BRCA2: variants seen among roughly 807,000 people sequenced by gnomAD.
BRCA2 encodes BRCA2 DNA repair associated.
In BRCA2, 203 loss-of-function variants were observed where a neutral mutation model predicts 276.7. That is an observed-to-expected ratio of 0.73 (90% CI 0.65 to 0.82). The LOEUF (loss-of-function observed/expected upper bound fraction) is 0.82. BRCA2 is among the 40% of genes least tolerant of loss of function. The probability of loss-of-function intolerance (pLI) is 0.00; values close to 1 mark genes in which losing one functional copy is unlikely to be tolerated. For missense variants in BRCA2, 3,920 were observed against 3,915.0 expected, an observed-to-expected ratio of 1.00 and a Z score of -0.03; for synonymous variants, 1,289 against 1,338.4, an observed-to-expected ratio of 0.96 and a Z score of 0.81.
chr13:32,329,392 T>G (rs2072372209), intron 7 of BRCA2, 51 bp from the exon 8 acceptor site: 1 of 1,367,422 alleles, frequency 7.3e-7, no homozygotes, highest in Middle Eastern at 1.9e-4. Flanking sequence ...AAAAAATAAG[T>G]TTTTGCATTC....
chr13:32,326,445 T>C, intron 6 of BRCA2, 54 bp from the exon 7 acceptor site: 1 of 1,479,626 alleles, frequency 6.8e-7, no homozygotes, highest in East Asian at 2.3e-5. Context: ...AAAAATAATA[T>C]CCTTAATGAT....
intron 9 of BRCA2, among the ~76,000 whole-genome samples, chr13:32,331,487 C>T (rs1176689607): frequency 6.6e-6 from 1 of 152,106 alleles, no homozygotes; most frequent in Non-Finnish European, 1.5e-5. Flanking sequence ...CGCTTAAGCC[C>T]AGGCGGTCAA....
At chr13:32,334,405 G>C (rs1440748760) in intron 10 of BRCA2, among the ~76,000 whole-genome samples, 2 of 152,134 alleles carry the variant, frequency 1.3e-5, no homozygotes. Flanking sequence ...GCTAGATATA[G>C]TGGCTCATGC....
At position 32,340,191 on chromosome 13, in the gene BRCA2, T is replaced by C. The variant is rs80358811; in HGVS notation, c.5836T>C (p.Ser1946Pro). The change falls in exon 11 of 27, where the codon TCA becomes CCA. Residue 1946 changes from serine to proline, a missense_variant. Transcript: ENST00000380152. ...MSGLEKVSKI[S>P]PCDVSLETSD... ...TGGATTGGAGAAAGTTTCTAAAATA[T>C]CACCTTGTGATGTTAGTTTGGAAAC... is the stretch of plus-strand genomic sequence containing the variant. The C allele has an allele frequency of 7.4e-6, 12 of 1,613,520 alleles. No individual in the cohort carries two copies. Among genetic ancestry groups the C allele is most frequent in the East Asian group, 6.7e-5 (3 of 44,854 alleles).
chr13:32,354,726 G>A (rs568955044), intron 13 of BRCA2, 135 bp from the exon 14 acceptor site: 16 of 696,104 alleles, frequency 2.3e-5, no homozygotes, highest in African/African-American at 1.8e-4. Context: ...TTTTGGAATG[G>A]CAACCATGGT....
chr13:32,375,281 A>T, intron 20 of BRCA2: 1 of 369,966 alleles, frequency 2.7e-6, no homozygotes, highest in South Asian at 2.2e-5. Context: ...GCAGTAATTC[A>T]GTCACATCTT....
At chr13:32,325,344 G>T (rs1288237623) in intron 4 of BRCA2, among the ~76,000 whole-genome samples, 160 bp downstream of exon 4, 2 of 152,098 alleles carry the variant, frequency 1.3e-5, no homozygotes, top group African/African-American at 4.8e-5. Flanking sequence ...TCCTTTAATA[G>T]AATAGTTTTT....
At chr13:32,354,839 A>G (rs2072675671) in intron 13 of BRCA2, 22 bp from the exon 14 acceptor site, 1 of 1,459,786 alleles carries the variant, frequency 6.9e-7, no homozygotes, top group African/African-American at 1.4e-5. Context: ...CAATAAACTT[A>G]TATATTTTCT....
intron 20 of BRCA2, among the ~76,000 whole-genome samples, chr13:32,376,381 G>A (rs1485653760): frequency 6.6e-6 from 1 of 151,672 alleles, no homozygotes; most frequent in Non-Finnish European, 1.5e-5. Flanking sequence ...AATTAACCGG[G>A]CATGTTGGAT....
At chr13:32,321,042 C>T (rs2072302823) in intron 3 of BRCA2, among the ~76,000 whole-genome samples, 1 of 151,984 alleles carries the variant, frequency 6.6e-6, no homozygotes, top group Non-Finnish European at 1.5e-5. Context: ...GTGTAATGGT[C>T]TAGGTGATAG....
At chr13:32,351,338 T>G (rs142003293) in intron 13 of BRCA2, among the ~76,000 whole-genome samples, 2 of 151,420 alleles carry the variant, frequency 1.3e-5, no homozygotes. Context: ...ACTGGGAAGG[T>G]CTGCGGCTTC....
At position 32,337,760 on chromosome 13, in the gene BRCA2, C is replaced by A. The variant is rs876659258; in HGVS notation, c.3405C>A (p.Tyr1135Ter). The A allele has an allele frequency of 1.5e-5, 25 of 1,613,908 alleles. No individual in the cohort carries two copies. The highest frequency in any genetic ancestry group is 2.1e-5 in the Non-Finnish European group (25 of 1,179,884). ...FEFTQFRKPSYILQKSTFEVP... is the reference protein window; with the variant it reads ...FEFTQFRKPS ...TTACTCAGTTTAGAAAACCAAGCTA[C>A]ATATTGCAGAAGAGTACATTTGAAG... Residue 1135 changes from tyrosine to a stop codon, truncating the protein, a stop_gained, in exon 11 of 27, where the codon TAC (tyrosine) becomes TAA (stop). Coordinates refer to ENST00000380152, the MANE Select transcript of BRCA2 (RefSeq NM_000059.4). LOFTEE classifies it high-confidence loss of function.
intron 20 of BRCA2, among the ~76,000 whole-genome samples, chr13:32,375,150 G>T (rs1337276297): frequency 1.3e-5 from 2 of 152,216 alleles, no homozygotes; most frequent in Admixed American, 1.3e-4. Flanking sequence ...CCGTGATCCA[G>T]TTACCTCCCA....
intron 13 of BRCA2, among the ~76,000 whole-genome samples, chr13:32,352,168 G>T (rs1168799641): frequency 6.6e-6 from 1 of 151,894 alleles, no homozygotes; most frequent in Non-Finnish European, 1.5e-5. Context: ...TTTCTGGAAT[G>T]TGTTTTTTAG....
At position 32,338,864 on chromosome 13, in the gene BRCA2, A is replaced by G. The variant is rs2072506069; in HGVS notation, c.4509A>G (p.Leu1503=). The G allele has an allele frequency of 6.2e-7, 1 of 1,613,950 alleles. No individual in the cohort carries two copies. Among genetic ancestry groups the G allele is most frequent in the South Asian group, 1.1e-5 (1 of 91,078 alleles). The change falls in exon 11 of 27, where the codon CTA becomes CTG. Residue 1503 remains leucine (L), a synonymous_variant. Coordinates refer to ENST00000380152, the MANE Select transcript of BRCA2 (RefSeq NM_000059.4). ...ESVPVGTGNQ[L]VTFQGQPERD... The stretch of plus-strand genomic sequence containing the variant: ...TCCCAGTTGGTACTGGAAATCAACT[A>G]GTGACCTTCCAGGGACAACCCGAAC...
Position 32,370,565 on chromosome 13 carries a change from G to A in BRCA2, c.8487+8G>A, listed in dbSNP as rs81002838. On this transcript the variant is annotated splice_region_variant and intron_variant, in intron 19 of 26. Coordinates refer to ENST00000380152, the MANE Select transcript of BRCA2 (RefSeq NM_000059.4). ...AGAGCATACCCTATACAGGTATGAT[G>A]TATTCTTGAAACTTACCATATATTT... is the stretch of plus-strand genomic sequence containing the variant. 2.6e-5 allele frequency: 41 copies of A among 1,604,998 alleles called. No homozygotes were observed. In the African/African-American group the frequency reaches 4.1e-4, roughly 16 times the overall value.
At chr13:32,377,121 A>G (rs2072879291) in intron 21 of BRCA2, among the ~76,000 whole-genome samples, 1 of 152,236 alleles carries the variant, frequency 6.6e-6, no homozygotes, top group Non-Finnish European at 1.5e-5. Flanking sequence ...AAATATCTTC[A>G]AAGTAATGGC....
intron 24 of BRCA2, chr13:32,385,119 A>G: frequency 4.1e-6 from 1 of 245,946 alleles, no homozygotes; most frequent in East Asian, 8.4e-5. Flanking sequence ...TGGAATGTGG[A>G]GGGAAGAATT....
Position 32,379,382 on chromosome 13 carries a change from A to G in BRCA2, c.8820A>G (p.Lys2940=). ...NNHRQMLNDK[K]QAQIQLEIRK... ...ACAGGCAAATGTTGAATGATAAGAA[A>G]CAAGCTCAGATCCAGTTGGAAATTA... The change falls in exon 22 of 27, where the codon AAA becomes AAG. Residue 2940 remains lysine, a synonymous_variant. Coordinates refer to ENST00000380152, the MANE Select transcript of BRCA2 (RefSeq NM_000059.4). 1 of 1,613,930 alleles carries G rather than the reference A, an allele frequency of 6.2e-7. No homozygotes were observed. Among genetic ancestry groups the G allele is most frequent in the Non-Finnish European group, 8.5e-7 (1 of 1,179,892 alleles).
Sources: allele counts gnomAD v4.1 joint callset (sites outside exome capture counted in the v4.1 genomes callset), GRCh38; gene constraint gnomAD v4.1.1; transcripts MANE v1.5; gene names NCBI Gene and HGNC (gene_info 2026-07-23, HGNC 2026-07-21).